TM6SF1: variants seen among roughly 807,000 people sequenced by gnomAD.
The protein encoded by TM6SF1 is transmembrane 6 superfamily member 1.
Under a neutral mutation model 47.1 loss-of-function variants are expected in TM6SF1, and 43 were observed. That is an observed-to-expected ratio of 0.91 (90% confidence interval 0.72 to 1.18). The LOEUF (loss-of-function observed/expected upper bound fraction) is 1.18. Ranked by LOEUF, TM6SF1 falls within the 50% of genes most tolerant of loss-of-function variation. The probability of loss-of-function intolerance (pLI) is 0.00; values close to 1 mark genes in which losing one functional copy is unlikely to be tolerated. For missense variants in TM6SF1, 390 were observed against 449.0 expected (o/e 0.87, Z 1.19); for synonymous variants, 177 against 166.3 (o/e 1.06, Z -0.49).
intron 9 of TM6SF1, 162 bp from the exon 10 acceptor site, chr15:83,136,319 T>G (rs985315120): frequency 2.5e-5 from 12 of 476,192 alleles, no homozygotes; most frequent in African/African-American, 2.2e-4. Context: ...AATGAAAGAC[T>G]CTGACATTAA....
chr15:83,130,781 G>A (rs2036175444), intron 9 of TM6SF1: 1 of 152,206 alleles, frequency 6.6e-6, no homozygotes, highest in South Asian at 2.1e-4. Flanking sequence ...GGGAGTATCT[G>A]ACACATTCAT....
chr15:83,136,367 G>C (rs866419524), intron 9 of TM6SF1, 114 bp from the exon 10 acceptor site: 1 of 781,922 alleles, frequency 1.3e-6, no homozygotes, highest in Admixed American at 3.4e-5. Flanking sequence ...GCCTGCAGGT[G>C]AGACTGGTTT....
intron 3 of TM6SF1, among the ~76,000 whole-genome samples, chr15:83,116,839 A>G (rs1466187184): frequency 1.3e-5 from 2 of 152,202 alleles, no homozygotes; most frequent in African/African-American, 4.8e-5. Context: ...GAGGCCTAAG[A>G]CAGTGTCCTG....
At chr15:83,135,472 C>T (rs1426214735) in intron 9 of TM6SF1, 1 of 152,180 alleles carries the variant, frequency 6.6e-6, no homozygotes, top group Non-Finnish European at 1.5e-5. Context: ...GATTCCCAAT[C>T]CTTTATTCAT....
At chr15:83,132,181 T>C (rs894379243) in intron 9 of TM6SF1, 1 of 152,228 alleles carries the variant, frequency 6.6e-6, no homozygotes, top group African/African-American at 2.4e-5. Flanking sequence ...TAAAACAGTG[T>C]CTGGCACATA....
At chr15:83,130,994 G>A (rs1417606918) in intron 9 of TM6SF1, 1 of 152,234 alleles carries the variant, frequency 6.6e-6, no homozygotes, top group Non-Finnish European at 1.5e-5. Context: ...GGAAGGCTGA[G>A]GTGGGAGGAT....
At chr15:83,135,019 T>C (rs1486919052) in intron 9 of TM6SF1, 1 of 152,016 alleles carries the variant, frequency 6.6e-6, no homozygotes, top group Non-Finnish European at 1.5e-5. Flanking sequence ...CCCAGGGGAG[T>C]TGTATCTGAG....
rs1033548975 is a variant in TM6SF1 at position 83,107,980 on chromosome 15, C to G, written c.92+208C>G. The stretch of plus-strand genomic sequence containing the variant: ...GGTCTTGGAGCCGGGCCCTGAGGTG[C>G]CCAGGCTGGCGCATTTCGGGATGTT... On this transcript the variant is annotated intron_variant, in intron 1 of 9. Coordinates refer to ENST00000322019, the MANE Select transcript of TM6SF1 (RefSeq NM_023003.5). The surrounding 1 kb of genome is among the most constrained non-coding windows in gnomAD (Gnocchi z 5.6). The G allele has an allele frequency of 2.9e-6, 3 of 1,040,286 alleles. No homozygotes were observed. The South Asian group carries it at 8.1e-5, about 28-fold the overall frequency. 64.4% of individuals were successfully genotyped at this position (1,040,286 alleles called of 1,614,324 possible).
chr15:83,126,867 T>G lies in TM6SF1; in HGVS notation c.801+20T>G. The G allele has an allele frequency of 6.3e-7, 1 of 1,576,248 alleles. No homozygotes were observed. The highest frequency in any genetic ancestry group is 1.7e-4 in the Middle Eastern group (1 of 5,930). On this transcript the variant is annotated intron_variant, in intron 8 of 9. Transcript: ENST00000322019. ...ATTCAGGTCAAGTAGTTATGAAGCC[T>G]AAGATTTTTCTAAAATTAATTTTCT...
intron 7 of TM6SF1, 123 bp from the exon 8 acceptor site, chr15:83,126,632 A>G (rs1332667697): frequency 1.4e-6 from 1 of 725,194 alleles, no homozygotes. Context: ...GAGCCTCTAC[A>G]ATGCATACGT....
chr15:83,119,435 C>A, intron 3 of TM6SF1, 143 bp from the exon 4 acceptor site: 1 of 875,300 alleles, frequency 1.1e-6, no homozygotes, highest in Non-Finnish European at 1.8e-6. Context: ...TTTTCATGTT[C>A]CTACCAATTT....
intron 3 of TM6SF1, among the ~76,000 whole-genome samples, chr15:83,116,569 GT>G (rs2034676231): frequency 6.6e-6 from 1 of 152,242 alleles, no homozygotes; most frequent in African/African-American, 2.4e-5. Context: ...CGCTGTGGGA[GT>G]TTGGGTTTTA....
At chr15:83,112,770 A>G (rs374531797) in intron 1 of TM6SF1, 27 bp from the exon 2 acceptor site, 1 of 1,529,290 alleles carries the variant, frequency 6.5e-7, no homozygotes, top group African/African-American at 1.4e-5. Flanking sequence ...TTTGATAGTG[A>G]CCACCTCCCT....
Position 83,122,848 on chromosome 15 carries a change from G to A in TM6SF1, c.573G>A (p.Gln191=), listed in dbSNP as rs139290119. ...GGGCTGGTTTCAGAATCTATAATCA[G>A]CCATCAGAAAATTATAATTACCCCT... The part of the protein sequence containing the change: ...PVWAGFRIYN[Q]PSENYNYPSK... Residue 191 remains glutamine (Q), a synonymous_variant, in exon 6 of 10, where the codon CAG becomes CAA. Coordinates refer to ENST00000322019, the MANE Select transcript of TM6SF1 (RefSeq NM_023003.5). 2,111 of 1,613,844 alleles carry A rather than the reference G, an allele frequency of 1.3e-3. 1 individual carries two copies. Among genetic ancestry groups the A allele is most frequent in the Middle Eastern group, 3.8e-3 (23 of 6,062 alleles).
At chr15:83,109,169 C>CT (rs2033925022) in intron 1 of TM6SF1, among the ~76,000 whole-genome samples, 1 of 152,080 alleles carries the variant, frequency 6.6e-6, no homozygotes. Flanking sequence ...AATAGGGTGA[C>CT]TGGGGAGGGG....
intron 9 of TM6SF1, chr15:83,132,221 T>C (rs1465273352): frequency 6.6e-6 from 1 of 152,276 alleles, no homozygotes; most frequent in Non-Finnish European, 1.5e-5. Flanking sequence ...TTGCTACTAT[T>C]ACTGGTAGAA....
intron 1 of TM6SF1, among the ~76,000 whole-genome samples, chr15:83,108,255 C>G (rs2033847643): frequency 6.6e-6 from 1 of 152,140 alleles, no homozygotes; most frequent in Non-Finnish European, 1.5e-5. Context: ...TAGCCCGGAA[C>G]CAACAGGCAG....
chr15:83,115,727 T>C (rs1315430426), intron 2 of TM6SF1, 118 bp from the exon 3 acceptor site: 2 of 766,508 alleles, frequency 2.6e-6, no homozygotes, highest in Non-Finnish European at 4.6e-6. Context: ...TCTCGATAAT[T>C]GTCCACAGCA....
At chr15:83,112,710 G>A in intron 1 of TM6SF1, 87 bp from the exon 2 acceptor site, 1 of 923,104 alleles carries the variant, frequency 1.1e-6, no homozygotes, top group Non-Finnish European at 1.8e-6. Context: ...TGCAGCACTA[G>A]GAGGGAATGC....
Sources: allele counts gnomAD v4.1 joint callset (sites outside exome capture counted in the v4.1 genomes callset), GRCh38; gene constraint gnomAD v4.1.1; non-coding constraint Gnocchi (gnomAD v3.1); transcripts MANE v1.5; gene names NCBI Gene and HGNC (gene_info 2026-07-23, HGNC 2026-07-21).